Variants in DPP6 observed in about 807,000 individuals in gnomAD.
The protein encoded by DPP6 is A-type potassium channel modulatory protein DPP6.
A neutral mutation model predicts 122.6 loss-of-function variants in DPP6; 69 were observed. The ratio of observed to expected loss-of-function variants is 0.56; its 90% CI spans 0.46 to 0.69. DPP6 has a LOEUF of 0.69. DPP6 is among the 30% of genes least tolerant of loss of function. The probability of loss-of-function intolerance (pLI) is 0.00; values close to 1 mark genes in which losing one functional copy is unlikely to be tolerated. For missense variants in DPP6, 928 were observed against 1,116.9 expected (o/e 0.83, Z 2.41); for synonymous variants, 418 against 433.1 (o/e 0.97, Z 0.43).
chr7:154,305,381 C>A (rs147504439), intron 1 of DPP6: 16 of 899,840 alleles, frequency 1.8e-5, no homozygotes, highest in African/African-American at 4.8e-5. Flanking sequence ...CTTGTGATTT[C>A]GGAAGTATGG....
intron 1 of DPP6, among the ~76,000 whole-genome samples, chr7:154,136,491 C>G (rs1037494921): frequency 6.6e-6 from 1 of 152,124 alleles, no homozygotes; most frequent in Non-Finnish European, 1.5e-5. Context: ...AAAAGGTGCG[C>G]GGTGCATTTC....
chr7:154,693,871 A>T (rs1840067765), intron 7 of DPP6, among the ~76,000 whole-genome samples: 1 of 151,994 alleles, frequency 6.6e-6, no homozygotes, highest in South Asian at 2.1e-4. Flanking sequence ...AAACAGAGGG[A>T]CTCACAGCAC....
In DPP6 at chr7:154,228,288, A is replaced by G. The variant is rs948710392; in HGVS notation, c.243+175225A>G. 9.8e-5 allele frequency among the ~76,000 whole-genome samples: 15 copies of G among 152,310 alleles called. No homozygotes were observed. In the East Asian group the frequency reaches 2.7e-3, roughly 27 times the overall value. ...TTAACCCAACAATGAAGAGACTGCA[A>G]CTAATCAGTCCATTCTTTCCTTCTG... On this transcript the variant is annotated intron_variant, in intron 1 of 25. Transcript: ENST00000377770.
chr7:154,848,805 A>G (rs1802147624), intron 16 of DPP6, among the ~76,000 whole-genome samples: 1 of 151,460 alleles, frequency 6.6e-6, no homozygotes, highest in African/African-American at 2.4e-5. Flanking sequence ...TCTTACACTG[A>G]AGTCTTTAAT....
intron 1 of DPP6, among the ~76,000 whole-genome samples, chr7:154,299,606 A>C (rs1173822606): frequency 6.6e-6 from 1 of 152,122 alleles, no homozygotes; most frequent in Non-Finnish European, 1.5e-5. Flanking sequence ...ATTCATTTTT[A>C]TTTTTAGGGG....
At chr7:154,356,674 C>T (rs941207993) in intron 1 of DPP6, among the ~76,000 whole-genome samples, 1 of 152,100 alleles carries the variant, frequency 6.6e-6, no homozygotes, top group African/African-American at 2.4e-5. Flanking sequence ...ATGGGCTTCT[C>T]AATCATTTCA....
chr7:154,474,843 C>T (rs1285154833), intron 2 of DPP6, 96 bp from the exon 3 acceptor site: 12 of 925,120 alleles, frequency 1.3e-5, no homozygotes, highest in Non-Finnish European at 2.0e-5. Context: ...GTGTTCCCAT[C>T]CATACTATTT....
chr7:154,503,386 A>G (rs1430428971), intron 3 of DPP6, among the ~76,000 whole-genome samples: 1 of 152,106 alleles, frequency 6.6e-6, no homozygotes, highest in African/African-American at 2.4e-5. Flanking sequence ...TTACTACCCA[A>G]TTGATTGCTG....
intron 10 of DPP6, among the ~76,000 whole-genome samples, chr7:154,793,311 C>T (rs1797807053): frequency 6.6e-6 from 1 of 152,182 alleles, no homozygotes; most frequent in Non-Finnish European, 1.5e-5. Flanking sequence ...TTTCTCAACA[C>T]TTTCTTCTTC....
the DPP6 span, among the ~76,000 whole-genome samples, chr7:153,861,954 A>G: frequency 6.6e-6 from 1 of 152,202 alleles, no homozygotes; most frequent in South Asian, 2.1e-4. Context: ...TAATGATTGC[A>G]GCTGTCAATT....
chr7:154,086,391 A>C (rs1317210199), intron 1 of DPP6, among the ~76,000 whole-genome samples: 2 of 147,688 alleles, frequency 1.4e-5, no homozygotes, highest in African/African-American at 5.0e-5. Flanking sequence ...CTGACACAGG[A>C]CTGACTTTAC....
chr7:154,375,410 C>A (rs2151130040), intron 1 of DPP6, among the ~76,000 whole-genome samples: 1 of 152,162 alleles, frequency 6.6e-6, no homozygotes, highest in African/African-American at 2.4e-5. Flanking sequence ...TATCAGCTGA[C>A]CTTTATTCAC....
chr7:154,651,392 C>G (rs1217256440), intron 6 of DPP6, among the ~76,000 whole-genome samples: 1 of 152,168 alleles, frequency 6.6e-6, no homozygotes, highest in African/African-American at 2.4e-5. Context: ...ATATCTGCAG[C>G]CTGTGAAAAA....
the DPP6 span, among the ~76,000 whole-genome samples, chr7:153,806,101 G>GC: frequency 1.1e-4 from 17 of 151,994 alleles, no homozygotes; most frequent in African/African-American, 4.1e-4. Context: ...GTGTTTGGCA[G>GC]CTCAGGACCA....
intron 5 of DPP6, among the ~76,000 whole-genome samples, chr7:154,575,433 A>ATG (rs1831552771): frequency 3.1e-5 from 1 of 31,976 alleles, no homozygotes; most frequent in Non-Finnish European, 5.1e-5. Context: ...TGTGGTGTGT[A>ATG]TGTGTGTGGT....
chr7:153,895,950 C>T (rs1343644350), intron 1 of DPP6, among the ~76,000 whole-genome samples: 1 of 152,182 alleles, frequency 6.6e-6, no homozygotes, highest in South Asian at 2.1e-4. Flanking sequence ...TGGTGTTACT[C>T]GTCTGTGAAA....
chr7:153,921,701 C>T (rs1800646096), intron 1 of DPP6, among the ~76,000 whole-genome samples: 1 of 152,214 alleles, frequency 6.6e-6, no homozygotes, highest in Non-Finnish European at 1.5e-5. Context: ...AAGTGTGCTA[C>T]TTTATCAGTA....
intron 1 of DPP6, among the ~76,000 whole-genome samples, chr7:154,424,383 G>A (rs1307494353): frequency 6.6e-6 from 1 of 152,170 alleles, no homozygotes; most frequent in Non-Finnish European, 1.5e-5. Flanking sequence ...AGTGTCTGCA[G>A]GGCTAATTCC....
intron 6 of DPP6, among the ~76,000 whole-genome samples, chr7:154,641,539 T>C (rs1836089702): frequency 6.6e-6 from 1 of 152,204 alleles, no homozygotes; most frequent in Non-Finnish European, 1.5e-5. Flanking sequence ...TTTTCTAGAA[T>C]TAGTTTTGTC....
Sources: allele counts gnomAD v4.1 joint callset (sites outside exome capture counted in the v4.1 genomes callset), GRCh38; gene constraint gnomAD v4.1.1; transcripts MANE v1.5; gene names NCBI Gene and HGNC (gene_info 2026-07-23, HGNC 2026-07-21).